The following NLGN4X variants were observed in gnomAD, a reference collection of about 807,000 sequenced individuals.
NLGN4X encodes neuroligin-4, X-linked.
NLGN4X carries 3 observed loss-of-function variants against 40.3 expected under a neutral mutation model. The observed-to-expected ratio is 0.07, with a 90% CI of 0.03 to 0.19. The LOEUF is 0.19. Among genes scored for constraint, NLGN4X ranks in the 10% least tolerant of loss-of-function variants. The pLI, the probability that NLGN4X is intolerant of heterozygous loss-of-function variation, is 1.00. For synonymous variants in NLGN4X, 270 were observed against 306.8 expected (o/e 0.88, Z 1.25); for missense variants, 382 against 708.3 (o/e 0.54, Z 5.23).
chrX:6,123,162 G>C (rs1297816321), intron 2 of NLGN4X, among the ~76,000 whole-genome samples: 2 of 111,632 alleles, frequency 1.8e-5, no homozygotes, highest in African/African-American at 6.5e-5. Flanking sequence ...ATTTAAAACA[G>C]AACAAAGCAA....
At chrX:6,154,975 G>A (rs2040233602) in intron 1 of NLGN4X, among the ~76,000 whole-genome samples, 1 of 111,665 alleles carries the variant, frequency 9.0e-6, no homozygotes, top group African/African-American at 3.3e-5. Context: ...CTTAAATTGA[G>A]ATTGGTTTAA....
At chrX:6,051,820 A>C (rs2037500413) in intron 2 of NLGN4X, among the ~76,000 whole-genome samples, 2 of 111,275 alleles carry the variant, frequency 1.8e-5, no homozygotes, top group African/African-American at 6.5e-5. Context: ...CCGTAATCCC[A>C]GGAAGTTGAA....
At chrX:5,925,999 T>G (rs2146842208) in intron 3 of NLGN4X, among the ~76,000 whole-genome samples, 1 of 98,144 alleles carries the variant, frequency 1.0e-5, no homozygotes, top group South Asian at 5.3e-4. Context: ...GGTTTGGCTG[T>G]GTCCCCACCC....
intron 2 of NLGN4X, among the ~76,000 whole-genome samples, chrX:6,038,978 C>T (rs892430869): frequency 7.2e-5 from 8 of 110,635 alleles, no homozygotes; most frequent in African/African-American, 2.6e-4. Context: ...TTGAAGACCC[C>T]AGTTCCAGGG....
chrX:6,205,263 T>C (rs1923936725), intron 1 of NLGN4X, among the ~76,000 whole-genome samples: 1 of 111,965 alleles, frequency 8.9e-6, no homozygotes, highest in African/African-American at 3.2e-5. Context: ...GAAGCATTTA[T>C]GCTATTGCTT....
At chrX:5,956,432 A>G (rs765172175) in intron 3 of NLGN4X, among the ~76,000 whole-genome samples, 1 of 111,255 alleles carries the variant, frequency 9.0e-6, no homozygotes, top group South Asian at 3.8e-4. Context: ...GAAGTTTTGG[A>G]AGAAAATTTA....
At chrX:5,909,414 T>C (rs2032367822) in intron 3 of NLGN4X, among the ~76,000 whole-genome samples, 175 bp from the exon 4 acceptor site, 1 of 111,605 alleles carries the variant, frequency 9.0e-6, no homozygotes, top group African/African-American at 3.3e-5. Context: ...AATAATTATA[T>C]AAATAATGGT....
intron 1 of NLGN4X, among the ~76,000 whole-genome samples, chrX:6,202,657 T>C (rs1923727634): frequency 9.0e-6 from 1 of 111,488 alleles, no homozygotes; most frequent in Non-Finnish European, 1.9e-5. Flanking sequence ...ATAATGGATA[T>C]GTCTGCCAAG....
chrX:6,146,218 G>C (rs2040043395), intron 2 of NLGN4X, among the ~76,000 whole-genome samples: 1 of 111,771 alleles, frequency 8.9e-6, no homozygotes, highest in Admixed American at 9.5e-5. Context: ...TAACACCCAA[G>C]TAGTAACAAC....
chrX:6,098,031 T>C (rs1353870435), intron 2 of NLGN4X, among the ~76,000 whole-genome samples: 1 of 112,859 alleles, frequency 8.9e-6, no homozygotes, highest in Non-Finnish European at 1.9e-5. Flanking sequence ...GGCTCGCACC[T>C]GGAATCCCAG....
In NLGN4X at chrX:6,064,294, C is replaced by T. The variant is rs57312763; in HGVS notation, c.473-34862G>A. 4.2e-3 allele frequency among the ~76,000 whole-genome samples: 472 copies of T among 111,395 alleles called. 1 individual carries two copies. The highest frequency in any genetic ancestry group is 0.015 in the African/African-American group (451 of 30,675). On this transcript the variant is annotated intron_variant, in intron 2 of 5. Coordinates refer to ENST00000381095, the MANE Select transcript of NLGN4X (RefSeq NM_181332.3). Reference sequence around the variant, plus strand: ...GCAAATCAATAATGAAGCCACACAGCGGGGAAGGCTGTGTGGATGTGGATA... The same window carrying T: ...GCAAATCAATAATGAAGCCACACAGTGGGGAAGGCTGTGTGGATGTGGATA...
chrX:5,954,286 G>A (rs759063437), intron 3 of NLGN4X, among the ~76,000 whole-genome samples: 1 of 109,424 alleles, frequency 9.1e-6, no homozygotes, highest in African/African-American at 3.3e-5. Context: ...GTGCAGTGGT[G>A]CAATCACAGC....
chrX:6,075,749 C>T (rs759793864), intron 2 of NLGN4X, among the ~76,000 whole-genome samples: 1 of 111,434 alleles, frequency 9.0e-6, no homozygotes, highest in Non-Finnish European at 1.9e-5. Context: ...TTTGCATACA[C>T]CAGCTCTTCT....
intron 1 of NLGN4X, among the ~76,000 whole-genome samples, chrX:6,218,635 GTACTCAACA>G (rs1358152093): frequency 9.0e-6 from 1 of 111,446 alleles, no homozygotes; most frequent in Admixed American, 9.6e-5. Flanking sequence ...CCACTTATTG[GTACTCAACA>G]AGTTTTGAAT....
chrX:5,959,871 C>G (rs1256796049), intron 3 of NLGN4X, among the ~76,000 whole-genome samples: 1 of 111,429 alleles, frequency 9.0e-6, no homozygotes, highest in African/African-American at 3.3e-5. Flanking sequence ...AGGGCCCTGG[C>G]AACTCTGAAT....
intron 2 of NLGN4X, among the ~76,000 whole-genome samples, chrX:6,148,780 C>G (rs1246712309): frequency 8.9e-6 from 1 of 111,824 alleles, no homozygotes; most frequent in Non-Finnish European, 1.9e-5. Context: ...TCCCAAAGTA[C>G]TGGGATTACA....
intron 1 of NLGN4X, among the ~76,000 whole-genome samples, chrX:6,200,687 C>CTTTTTTTTTTCTT (rs1556005145): frequency 5.8e-4 from 32 of 55,561 alleles, no homozygotes; most frequent in African/African-American, 1.4e-3. Context: ...CTTTCCTTTT[C>CTTTTTTTTTTCTT]TTTTTTTTTT....
chrX:5,926,956 C>CTATG (rs2033353628), intron 3 of NLGN4X, among the ~76,000 whole-genome samples: 1 of 108,919 alleles, frequency 9.2e-6, no homozygotes, highest in Admixed American at 1.0e-4. Context: ...ATCTATCTAT[C>CTATG]TATCTATCTA....
At chrX:5,948,606 C>G (rs1361595507) in intron 3 of NLGN4X, among the ~76,000 whole-genome samples, 1 of 111,833 alleles carries the variant, frequency 8.9e-6, no homozygotes, top group Non-Finnish European at 1.9e-5. Context: ...TCCCCAGCCT[C>G]CAATTTTCTT....
Sources: allele counts gnomAD v4.1 joint callset (sites outside exome capture counted in the v4.1 genomes callset), GRCh38; gene constraint gnomAD v4.1.1; transcripts MANE v1.5; gene names NCBI Gene and HGNC (gene_info 2026-07-23, HGNC 2026-07-21).